SPATA13: variants seen among roughly 807,000 people sequenced by gnomAD.
The protein encoded by SPATA13 is spermatogenesis associated 13.
A neutral mutation model predicts 104.0 loss-of-function variants in SPATA13; 50 were observed. That is an observed-to-expected ratio of 0.48 (90% CI 0.38 to 0.61). The LOEUF (loss-of-function observed/expected upper bound fraction) is 0.61. Among genes scored for constraint, SPATA13 ranks in the 20% least tolerant of loss-of-function variants. The pLI is 0.00. For missense variants in SPATA13, 1,524 were observed against 1,690.6 expected (o/e 0.90, Z 1.73); for synonymous variants, 606 against 667.5 (o/e 0.91, Z 1.42).
intron 3 of SPATA13, among the ~76,000 whole-genome samples, chr13:24,075,220 G>A (rs1043620710): frequency 1.3e-5 from 2 of 152,098 alleles, no homozygotes; most frequent in African/African-American, 4.8e-5. Flanking sequence ...TAACATTTTA[G>A]TATTAATTTA....
intron 2 of SPATA13, among the ~76,000 whole-genome samples, chr13:24,246,920 T>C (rs905508830): frequency 6.6e-6 from 1 of 152,070 alleles, no homozygotes; most frequent in African/African-American, 2.4e-5. Context: ...GGCATCTTAC[T>C]AGGCCGGGAG....
intron 1 of SPATA13, 97 bp from the exon 2 acceptor site, chr13:24,222,722 C>A: frequency 9.5e-7 from 1 of 1,057,044 alleles, no homozygotes; most frequent in Non-Finnish European, 1.3e-6. Flanking sequence ...TAGCTTTCAT[C>A]TGACCAGCCC....
intron 7 of SPATA13, among the ~76,000 whole-genome samples, chr13:24,287,444 T>A (rs936526605): frequency 6.6e-6 from 1 of 152,244 alleles, no homozygotes; most frequent in East Asian, 1.9e-4. Flanking sequence ...ATTAGAGGCG[T>A]GAGCCAGTGT....
At chr13:24,141,432 T>A (rs959825239) in intron 3 of SPATA13, among the ~76,000 whole-genome samples, 6 of 152,198 alleles carry the variant, frequency 3.9e-5, no homozygotes, top group Non-Finnish European at 8.8e-5. Context: ...CTTCTGCCTT[T>A]TCCTGCTTCC....
chr13:24,297,887 T>G, intron 11 of SPATA13, 152 bp downstream of exon 11: 1 of 898,194 alleles, frequency 1.1e-6, no homozygotes, highest in Non-Finnish European at 1.6e-6. Flanking sequence ...CCCTAAATAC[T>G]TCTGAATGCA....
At chr13:24,295,054 C>G (rs547296669) in intron 10 of SPATA13, among the ~76,000 whole-genome samples, 186 bp downstream of exon 10, 3 of 152,128 alleles carry the variant, frequency 2.0e-5, no homozygotes, top group African/African-American at 7.2e-5. Context: ...TACTTTATAC[C>G]CCACTCCCAT....
chr13:24,131,296 T>C (rs1334101399), intron 3 of SPATA13, among the ~76,000 whole-genome samples: 1 of 152,204 alleles, frequency 6.6e-6, no homozygotes, highest in African/African-American at 2.4e-5. Context: ...GCTAGTCCTC[T>C]TTCCTATGAT....
intron 2 of SPATA13, among the ~76,000 whole-genome samples, chr13:23,986,294 T>C (rs1421210312): frequency 6.6e-6 from 1 of 152,118 alleles, no homozygotes; most frequent in African/African-American, 2.4e-5. Flanking sequence ...AATTGGGGCA[T>C]CTAAGAATTT....
chr13:24,251,522 G>A lies in SPATA13; in HGVS notation c.2020-196G>A, dbSNP rs960420507. On this transcript the variant is annotated intron_variant, in intron 3 of 12. Coordinates refer to ENST00000382108, the MANE Select transcript of SPATA13 (RefSeq NM_001166271.3). ...GAGGCTGCAGGGTGCGGGCCAGTAA[G>A]CTGATCAGGATTGTTAAAAACTGTA... is the stretch of plus-strand genomic sequence containing the variant. The A allele has an allele frequency of 2.0e-5, 20 of 985,348 alleles. No individual in the cohort carries two copies. The African/African-American group carries it at 3.5e-4, about 17-fold the overall frequency. The allele number at this position is 985,348 out of a possible 1,614,324, so 61.0% of individuals were successfully genotyped here. A position where few individuals can be genotyped will look rare whatever the true frequency, so the allele number is the denominator to read the frequency against.
intron 1 of SPATA13, among the ~76,000 whole-genome samples, chr13:24,199,125 G>A (rs1870256466): frequency 1.3e-5 from 2 of 152,026 alleles, no homozygotes; most frequent in South Asian, 2.1e-4. Context: ...CTGAGCTCAA[G>A]CGATCCGCCC....
At chr13:24,136,436 A>G (rs996039233) in intron 3 of SPATA13, among the ~76,000 whole-genome samples, 1 of 152,122 alleles carries the variant, frequency 6.6e-6, no homozygotes, top group African/African-American at 2.4e-5. Flanking sequence ...AGATCGTGCC[A>G]TTGCACTCCA....
chr13:24,202,658 A>G (rs1463601259), intron 1 of SPATA13, among the ~76,000 whole-genome samples: 1 of 143,936 alleles, frequency 6.9e-6, no homozygotes, highest in Non-Finnish European at 1.5e-5. Flanking sequence ...GAGCGGGAGG[A>G]GGGAATCTTG....
intron 2 of SPATA13, among the ~76,000 whole-genome samples, chr13:24,226,404 T>C (rs1871944117): frequency 6.6e-6 from 1 of 152,242 alleles, no homozygotes; most frequent in Non-Finnish European, 1.5e-5. Flanking sequence ...TTATGATGGG[T>C]TATTGTACTT....
intron 3 of SPATA13, among the ~76,000 whole-genome samples, chr13:24,102,548 C>T (rs978730443): frequency 6.7e-6 from 1 of 150,190 alleles, no homozygotes; most frequent in Non-Finnish European, 1.5e-5. Flanking sequence ...AATCTTGGCA[C>T]ACTGCAACCT....
chr13:23,999,567 T>G (rs1759906557), intron 2 of SPATA13, among the ~76,000 whole-genome samples: 1 of 151,314 alleles, frequency 6.6e-6, no homozygotes, highest in Admixed American at 6.6e-5. Context: ...GACTCCCAAC[T>G]CCATCTGGAG....
Position 24,160,840 on chromosome 13 carries a change from C to T in SPATA13, c.-204C>T. ...CAGGCTCCTCCGAGAGTGCGGCGAC[C>T]TCGGGGCTCCGCCGGCACCGGAGGT... On this transcript the variant is annotated 5_prime_UTR_variant, in exon 1 of 13. Transcript: ENST00000382108. 2 of 985,352 alleles carry T rather than the reference C, an allele frequency of 2.0e-6. No homozygotes were observed. The highest frequency in any genetic ancestry group is 2.4e-6 in the Non-Finnish European group (2 of 829,890). 61.0% of individuals were successfully genotyped at this position (985,352 alleles called of 1,614,324 possible).
rs1306485792 is a variant in SPATA13 at position 24,190,068 on chromosome 13, A to AT, written c.-112+29137dup. Reference sequence around the variant, plus strand: ...ATTATATAACATATAATGATATACTATATATATTATTATATAACATATAAT... The same window carrying AT: ...ATTATATAACATATAATGATATACTATTATATATTATTATATAACATATAAT... On this transcript the variant is annotated intron_variant, in intron 1 of 12. Coordinates refer to ENST00000382108, the MANE Select transcript of SPATA13 (RefSeq NM_001166271.3). Among the ~76,000 whole-genome samples the AT allele has an allele frequency of 6.6e-4, 41 of 62,346 alleles. 2 individuals are homozygous for AT. Among genetic ancestry groups the AT allele is most frequent in the East Asian group, 3.8e-3 (5 of 1,302 alleles). 40.9% of individuals were successfully genotyped at this position (62,346 alleles called of 152,430 possible).
intron 3 of SPATA13, among the ~76,000 whole-genome samples, chr13:24,251,185 G>A (rs1030293989): frequency 6.6e-6 from 1 of 152,184 alleles, no homozygotes; most frequent in African/African-American, 2.4e-5. Context: ...GTGTGAGTTT[G>A]GGTAAGCAAG....
At chr13:24,126,231 C>T (rs777175296) in intron 3 of SPATA13, among the ~76,000 whole-genome samples, 11 of 152,132 alleles carry the variant, frequency 7.2e-5, no homozygotes, top group South Asian at 2.1e-4. Context: ...GGAGCCTTTG[C>T]GGCTGTGACC....
Sources: allele counts gnomAD v4.1 joint callset (sites outside exome capture counted in the v4.1 genomes callset), GRCh38; gene constraint gnomAD v4.1.1; transcripts MANE v1.5; gene names NCBI Gene and HGNC (gene_info 2026-07-23, HGNC 2026-07-21).